Variants in HCN1 observed in about 807,000 individuals in gnomAD.
HCN1 encodes the protein hyperpolarization activated cyclic nucleotide gated potassium channel 1.
In HCN1, 13 loss-of-function variants were observed where a neutral mutation model predicts 78.9. The observed-to-expected ratio is 0.16, with a 90% CI of 0.11 to 0.26. The LOEUF (loss-of-function observed/expected upper bound fraction) is 0.26, where lower values mean the gene tolerates loss of function less well. HCN1 is among the 10% of genes least tolerant of loss of function. The pLI is 1.00. For missense variants in HCN1, 810 were observed against 1,154.3 expected, an observed-to-expected ratio of 0.70 and a Z score of 4.32; for synonymous variants, 552 against 455.5, an observed-to-expected ratio of 1.21 and a Z score of -2.70.
intron 2 of HCN1, among the ~76,000 whole-genome samples, chr5:45,616,120 G>A (rs1233589227): frequency 6.7e-6 from 1 of 148,742 alleles, no homozygotes; most frequent in African/African-American, 2.5e-5. Flanking sequence ...AGGCTTTTAT[G>A]GCCAAGTATT....
intron 2 of HCN1, among the ~76,000 whole-genome samples, chr5:45,524,274 T>G (rs995303978): frequency 6.6e-6 from 1 of 152,182 alleles, no homozygotes; most frequent in African/African-American, 2.4e-5. Flanking sequence ...CCTTGTAGTA[T>G]AGTTTGAAGT....
intron 3 of HCN1, among the ~76,000 whole-genome samples, chr5:45,396,975 T>C (rs1012933951): frequency 6.6e-6 from 1 of 152,202 alleles, no homozygotes; most frequent in African/African-American, 2.4e-5. Flanking sequence ...CTAAAATTCC[T>C]TTTGGGACAA....
At chr5:45,667,726 TA>T (rs1746076732) in intron 1 of HCN1, among the ~76,000 whole-genome samples, 1 of 151,986 alleles carries the variant, frequency 6.6e-6, no homozygotes, top group African/African-American at 2.4e-5. Context: ...CTAACATTAG[TA>T]AGGTGATTAA....
chr5:45,310,711 T>G (rs1745831767), intron 5 of HCN1, among the ~76,000 whole-genome samples: 1 of 152,104 alleles, frequency 6.6e-6, no homozygotes, highest in African/African-American at 2.4e-5. Flanking sequence ...AAGACATGCA[T>G]GCATATGTTC....
At chr5:45,401,639 C>T (rs918667830) in intron 3 of HCN1, among the ~76,000 whole-genome samples, 14 of 148,200 alleles carry the variant, frequency 9.4e-5, no homozygotes, top group African/African-American at 2.5e-4. Context: ...TATACTTACA[C>T]GTATTACCTA....
intron 4 of HCN1, among the ~76,000 whole-genome samples, chr5:45,388,109 C>G (rs192114902): frequency 1.3e-5 from 2 of 152,112 alleles, no homozygotes; most frequent in African/African-American, 4.8e-5. Flanking sequence ...GGCCTTACAG[C>G]TACTATTGTT....
rs146152334 is a variant in HCN1 at position 45,441,535 on chromosome 5, A to C, written c.1011+20311T>G. ...TGGGAAGGGGTGTTATACCTTGCAC[A>C]TGCAATACTCTACCAAATCTTTTTC... On this transcript the variant is annotated intron_variant, in intron 3 of 7. Transcript: ENST00000303230. Among the ~76,000 whole-genome samples, 48 of 152,340 alleles carry C rather than the reference A, an allele frequency of 3.2e-4. 1 individual carries two copies. The East Asian group carries it at 7.1e-3, about 23-fold the overall frequency.
At chr5:45,302,768 G>T (rs1435052682) in intron 6 of HCN1, among the ~76,000 whole-genome samples, 1 of 151,838 alleles carries the variant, frequency 6.6e-6, no homozygotes, top group Non-Finnish European at 1.5e-5. Flanking sequence ...GAATCATGGG[G>T]GCTGGTCTTT....
chr5:45,320,729 T>C (rs1746107403), intron 5 of HCN1, among the ~76,000 whole-genome samples: 2 of 151,970 alleles, frequency 1.3e-5, no homozygotes, highest in East Asian at 1.9e-4. Flanking sequence ...TTTTGAGTTA[T>C]ATATGTTTGC....
intron 2 of HCN1, among the ~76,000 whole-genome samples, chr5:45,631,061 T>A (rs1459424587): frequency 3.3e-5 from 5 of 152,090 alleles, no homozygotes. Context: ...AAAACATCCA[T>A]GAGAGAAAAA....
intron 4 of HCN1, among the ~76,000 whole-genome samples, chr5:45,356,393 A>G (rs1343865522): frequency 6.6e-6 from 1 of 151,934 alleles, no homozygotes; most frequent in East Asian, 1.9e-4. Flanking sequence ...TTATAAAAGT[A>G]TGCATGTACA....
At chr5:45,545,967 G>C (rs1171342422) in intron 2 of HCN1, among the ~76,000 whole-genome samples, 1 of 151,906 alleles carries the variant, frequency 6.6e-6, no homozygotes, top group African/African-American at 2.4e-5. Context: ...CTTCATTTAA[G>C]CATTACATAC....
intron 3 of HCN1, among the ~76,000 whole-genome samples, chr5:45,454,905 C>G (rs1481770724): frequency 6.6e-6 from 1 of 151,916 alleles, no homozygotes; most frequent in Admixed American, 6.6e-5. Flanking sequence ...AAATAGCTCT[C>G]TCTTCTCTGC....
chr5:45,289,621 C>T (rs1745332905), intron 6 of HCN1, among the ~76,000 whole-genome samples: 1 of 152,058 alleles, frequency 6.6e-6, no homozygotes, highest in Non-Finnish European at 1.5e-5. Flanking sequence ...GCATCTTACT[C>T]AGCAAAGTTG....
intron 2 of HCN1, among the ~76,000 whole-genome samples, chr5:45,580,617 C>T (rs964277475): frequency 6.6e-6 from 1 of 151,910 alleles, no homozygotes; most frequent in African/African-American, 2.4e-5. Flanking sequence ...ATACATGTGC[C>T]ATGTAGGTGT....
chr5:45,353,058 C>G (rs1308898369), intron 5 of HCN1, 42 bp downstream of exon 5: 1 of 1,515,000 alleles, frequency 6.6e-7, no homozygotes, highest in South Asian at 1.1e-5. Flanking sequence ...AGAAAATAAA[C>G]AATGATTATG....
intron 2 of HCN1, among the ~76,000 whole-genome samples, chr5:45,599,452 A>G (rs1156586681): frequency 6.6e-6 from 1 of 152,128 alleles, no homozygotes; most frequent in South Asian, 2.1e-4. Flanking sequence ...AGAAATACCT[A>G]ATGAAAATGA....
At chr5:45,293,414 G>A (rs778500995) in intron 6 of HCN1, among the ~76,000 whole-genome samples, 2 of 151,954 alleles carry the variant, frequency 1.3e-5, no homozygotes, top group East Asian at 3.9e-4. Context: ...TAGGCGGGAA[G>A]ATCACTTAAG....
chr5:45,622,979 G>T lies in HCN1; in HGVS notation c.849+22206C>A, dbSNP rs575653402. On this transcript the variant is annotated intron_variant, in intron 2 of 7. Coordinates refer to ENST00000303230, the MANE Select transcript of HCN1 (RefSeq NM_021072.4). The stretch of plus-strand genomic sequence containing the variant: ...GCAGGAACTAGTGTCTTGTCCTTTT[G>T]CCGGGAACATATCTCCTTCCTCTTT... Among the ~76,000 whole-genome samples the T allele has an allele frequency of 1.4e-4, 22 of 152,110 alleles. No individual in the cohort carries two copies. In the South Asian group the frequency reaches 3.5e-3, roughly 24 times the overall value.
Sources: allele counts gnomAD v4.1 joint callset (sites outside exome capture counted in the v4.1 genomes callset), GRCh38; gene constraint gnomAD v4.1.1; transcripts MANE v1.5; gene names NCBI Gene and HGNC (gene_info 2026-07-23, HGNC 2026-07-21).